Variants in PRDM6 observed in about 807,000 individuals in gnomAD.
PRDM6 encodes putative histone-lysine N-methyltransferase PRDM6.
Under a neutral mutation model 60.8 loss-of-function variants are expected in PRDM6, and 25 were observed. The observed-to-expected ratio is 0.41, with a 90% CI of 0.30 to 0.57. The LOEUF is 0.57. Among genes scored for constraint, PRDM6 ranks in the 20% least tolerant of loss-of-function variants. The pLI is 0.27. For missense variants in PRDM6, 839 were observed against 821.3 expected, an observed-to-expected ratio of 1.02 and a Z score of -0.26; for synonymous variants, 407 against 357.4, an observed-to-expected ratio of 1.14 and a Z score of -1.57.
chr5:123,155,262 C>CT (rs759225954), intron 3 of PRDM6, among the ~76,000 whole-genome samples: 1,928 of 92,714 alleles, frequency 0.021, 84 homozygotes, highest in African/African-American at 0.055. Context: ...GAGGGTCTCT[C>CT]TTTTTTTTTT....
At chr5:123,166,970 C>T (rs148858472) in intron 5 of PRDM6, among the ~76,000 whole-genome samples, 155 of 152,254 alleles carry the variant, frequency 1.0e-3, no homozygotes, top group African/African-American at 3.4e-3. Context: ...ATCTCTGCAC[C>T]TTTTGCCGTT....
intron 3 of PRDM6, among the ~76,000 whole-genome samples, chr5:123,125,705 G>C (rs1332641116): frequency 6.6e-6 from 1 of 152,150 alleles, no homozygotes; most frequent in East Asian, 1.9e-4. Flanking sequence ...CCATTTCTTT[G>C]ACTTTTTGGG....
chr5:123,183,995 A>T (rs1436335592), intron 7 of PRDM6, among the ~76,000 whole-genome samples: 1 of 152,214 alleles, frequency 6.6e-6, no homozygotes, highest in Admixed American at 6.5e-5. Context: ...ATGTTCTTTC[A>T]TCAAGAAAAT....
intron 3 of PRDM6, among the ~76,000 whole-genome samples, chr5:123,154,974 C>A (rs1267077776): frequency 6.6e-6 from 1 of 152,152 alleles, no homozygotes; most frequent in African/African-American, 2.4e-5. Flanking sequence ...CCTCTAGATA[C>A]CATGTCTCCC....
intron 3 of PRDM6, among the ~76,000 whole-genome samples, chr5:123,119,040 C>T (rs1258480668): frequency 6.6e-6 from 1 of 152,120 alleles, no homozygotes; most frequent in Admixed American, 6.6e-5. Context: ...AAGACCCCAC[C>T]TGTGTAGGGG....
rs1763764180 is a variant in PRDM6 at position 123,089,868 on chromosome 5, A to T, written c.-15-132A>T. ...TTTGCGCCCAAGCGGAGTTGGGAAGAGGGAGCCGCGGAACCGGGCGGCCGC... is the reference window on the plus strand; with the variant it reads ...TTTGCGCCCAAGCGGAGTTGGGAAGTGGGAGCCGCGGAACCGGGCGGCCGC... On this transcript the variant is annotated intron_variant, in intron 1 of 7. Transcript: ENST00000407847. 4 of 650,358 alleles carry T rather than the reference A, an allele frequency of 6.2e-6. No homozygotes were observed. The South Asian group carries it at 7.8e-5, about 13-fold the overall frequency. 40.3% of individuals were successfully genotyped at this position (650,358 alleles called of 1,614,324 possible). A position where few individuals can be genotyped will look rare whatever the true frequency, so the allele number is the denominator to read the frequency against.
intron 4 of PRDM6, among the ~76,000 whole-genome samples, chr5:123,158,972 C>T (rs902863164): frequency 2.6e-5 from 4 of 152,124 alleles, no homozygotes; most frequent in Non-Finnish European, 4.4e-5. Flanking sequence ...ATCCATTTCA[C>T]ATCAGAGGGT....
intron 3 of PRDM6, among the ~76,000 whole-genome samples, chr5:123,124,315 C>T (rs1035188479): frequency 6.6e-6 from 1 of 152,200 alleles, no homozygotes; most frequent in African/African-American, 2.4e-5. Flanking sequence ...TTTAGACACT[C>T]GCATTTGTAG....
chr5:123,093,185 C>G (rs1763880341), intron 2 of PRDM6, among the ~76,000 whole-genome samples: 1 of 152,162 alleles, frequency 6.6e-6, no homozygotes, highest in Admixed American at 6.5e-5. Context: ...CTTAGCATTG[C>G]TTCATTTTGT....
At chr5:123,153,854 G>A (rs1268446306) in intron 3 of PRDM6, among the ~76,000 whole-genome samples, 1 of 152,180 alleles carries the variant, frequency 6.6e-6, no homozygotes, top group South Asian at 2.1e-4. Context: ...GTTGAAGATA[G>A]TGGCTTCATG....
Position 123,131,551 on chromosome 5 carries a change from C to A in PRDM6, c.901-24333C>A, listed in dbSNP as rs565144982. On this transcript the variant is annotated intron_variant, in intron 3 of 7. Transcript: ENST00000407847. ...CATTGTTCTGTGCACTTTGCACATA[C>A]TATCCACCTTAATCCTTGAATCTTC... Among the ~76,000 whole-genome samples the A allele has an allele frequency of 7.2e-5, 11 of 152,348 alleles. No individual in the cohort carries two copies. The South Asian group carries it at 1.2e-3, about 17-fold the overall frequency.
At chr5:123,164,381 C>T (rs1765707981) in intron 5 of PRDM6, among the ~76,000 whole-genome samples, 1 of 152,122 alleles carries the variant, frequency 6.6e-6, no homozygotes. Flanking sequence ...AAAATGCTGC[C>T]CTCAAGCCAG....
intron 3 of PRDM6, among the ~76,000 whole-genome samples, chr5:123,133,431 T>C (rs1764880267): frequency 6.6e-6 from 1 of 152,014 alleles, no homozygotes; most frequent in South Asian, 2.1e-4. Flanking sequence ...AGTAGCTTAT[T>C]ACACATTCCT....
chr5:123,104,784 G>A (rs1356823349), intron 3 of PRDM6, among the ~76,000 whole-genome samples: 1 of 152,172 alleles, frequency 6.6e-6, no homozygotes, highest in Non-Finnish European at 1.5e-5. Flanking sequence ...TTGATAGAGT[G>A]TGAGCATTTT....
At chr5:123,162,276 A>G (rs1439553266) in intron 5 of PRDM6, among the ~76,000 whole-genome samples, 1 of 152,196 alleles carries the variant, frequency 6.6e-6, no homozygotes, top group Non-Finnish European at 1.5e-5. Flanking sequence ...GGGTTGGAGT[A>G]GAGCATTTTT....
chr5:123,160,910 A>G (rs1470399004), intron 5 of PRDM6, among the ~76,000 whole-genome samples: 1 of 152,238 alleles, frequency 6.6e-6, no homozygotes. Flanking sequence ...GTATGCAGTG[A>G]GAGGCAAATG....
intron 3 of PRDM6, among the ~76,000 whole-genome samples, chr5:123,150,095 C>A (rs1765340696): frequency 6.6e-6 from 1 of 152,166 alleles, no homozygotes; most frequent in Non-Finnish European, 1.5e-5. Context: ...TCTTTGAGCT[C>A]TTACTAGATG....
intron 2 of PRDM6, among the ~76,000 whole-genome samples, chr5:123,094,432 T>TTCTCTCTCTCTCTCTC (rs3037346): frequency 0.034 from 4,983 of 147,942 alleles, 127 homozygotes; most frequent in Non-Finnish European, 0.047. Flanking sequence ...GCTTTTGTGT[T>TTCTCTCTCTCTCTCTC]TCTCTCTCTC....
chr5:123,135,186 A>G (rs1173333321), intron 3 of PRDM6, among the ~76,000 whole-genome samples: 2 of 152,330 alleles, frequency 1.3e-5, no homozygotes, highest in East Asian at 3.9e-4. Context: ...TTATGAAAAC[A>G]ATTAAGTGCT....
Sources: gnomAD v4.1 joint callset for allele counts (sites outside exome capture counted in the v4.1 genomes callset) on GRCh38, gnomAD v4.1.1 for gene constraint, MANE v1.5 for transcripts, NCBI Gene and HGNC (gene_info 2026-07-23, HGNC 2026-07-21) for gene names.